The following MYO1G variants were observed in gnomAD, a reference collection of about 807,000 sequenced individuals.
MYO1G encodes the protein unconventional myosin-Ig.
MYO1G carries 65 observed loss-of-function variants against 115.3 expected under a neutral mutation model. That is an observed-to-expected ratio of 0.56 (90% CI 0.46 to 0.69). The LOEUF is 0.69. Among genes scored for constraint, MYO1G ranks in the 30% least tolerant of loss-of-function variants. The pLI, the probability that MYO1G is intolerant of heterozygous loss-of-function variation, is 0.00. For missense variants in MYO1G, 1,204 were observed against 1,393.5 expected (o/e 0.86, Z 2.16); for synonymous variants, 510 against 552.6 (o/e 0.92, Z 1.08).
intron 8 of MYO1G, 27 bp downstream of exon 8, chr7:44,970,808 C>T: frequency 1.2e-6 from 2 of 1,613,548 alleles, no homozygotes; most frequent in South Asian, 1.1e-5. Context: ...TCCTGGGCTT[C>T]CCTCCCTGTG....
In MYO1G at chr7:44,969,721, T is replaced by C. The variant is rs1456831932; in HGVS notation, c.1487A>G (p.His496Arg). The change falls in exon 11 of 22, where the codon CAC becomes CGC. Residue 496 changes from histidine (H) to arginine (R), a missense_variant. By Grantham distance (29) the His-to-Arg change is conservative. Coordinates refer to ENST00000258787, the MANE Select transcript of MYO1G (RefSeq NM_033054.3). The surrounding 1 kb of genome is among the most constrained non-coding windows in gnomAD (Gnocchi z 5.0). ...TLDMHHRHHL[H>R]YTSRQLCPTD... ...CGGGGGCACCTGGCGGCTGGTGTAG[T>C]GTAGGTGATGGCGGTGGTGCATGTC... 1.9e-6 allele frequency: 3 copies of C among 1,611,498 alleles called. No homozygotes were observed. The South Asian group carries it at 3.3e-5, about 18-fold the overall frequency.
chr7:44,970,034 G>A lies in MYO1G; in HGVS notation c.1332+6C>T. 6.2e-7 allele frequency: 1 copy of A among 1,612,706 alleles called. No individual in the cohort carries two copies. The highest frequency in any genetic ancestry group is 1.7e-5 in the Admixed American group (1 of 59,982). On this transcript the variant is annotated splice_donor_region_variant and intron_variant, in intron 10 of 21. Coordinates refer to ENST00000258787, the MANE Select transcript of MYO1G (RefSeq NM_033054.3). ...GCCTGGCCTCCCTCCAGGCCACAGT[G>A]CTCACGCTCTGCCAGGTGATGCCCT...
In MYO1G at chr7:44,975,657, G is replaced by C; in HGVS notation, c.399-8C>G. On this transcript the variant is annotated splice_region_variant and splice_polypyrimidine_tract_variant and intron_variant, in intron 3 of 21. Coordinates refer to ENST00000258787, the MANE Select transcript of MYO1G (RefSeq NM_033054.3). ...AGCAGCACGTCCTTGACCCTGTCAG[G>C]GCAGAGGGGCTGGGTCTTAAGGCAA... 1 of 1,592,686 alleles carries C rather than the reference G, an allele frequency of 6.3e-7. No homozygotes were observed. The highest frequency in any genetic ancestry group is 2.2e-5 in the East Asian group (1 of 44,484).
chr7:44,969,695 C>A lies in MYO1G; in HGVS notation c.1503+10G>T. 1 of 1,610,366 alleles carries A rather than the reference C, an allele frequency of 6.2e-7. No individual in the cohort carries two copies. The highest frequency in any genetic ancestry group is 1.7e-5 in the Admixed American group (1 of 59,996). On this transcript the variant is annotated intron_variant, in intron 11 of 21. Transcript: ENST00000258787. This position sits in a 1 kb window ranked among gnomAD's most constrained non-coding sequence, Gnocchi z 5.0. The stretch of plus-strand genomic sequence containing the variant: ...GCCCACTGTGGTGGCACTGGGACAG[C>A]CGGGGGCACCTGGCGGCTGGTGTAG...
At chr7:44,975,408 G>A in intron 4 of MYO1G, 76 bp downstream of exon 4, 6 of 1,564,034 alleles carry the variant, frequency 3.8e-6, no homozygotes, top group Non-Finnish European at 4.4e-6. Context: ...GCACCGTCGG[G>A]ATGGGTACCT....
At position 44,962,695 on chromosome 7, in the gene MYO1G, G is replaced by C; in HGVS notation, c.*44C>G. ...CAGAAGGTTTATTTGCAGCGCTGGC[G>C]GGGCGGACAATTGGCGGCCTCGGGG... On this transcript the variant is annotated 3_prime_UTR_variant, in exon 22 of 22. Coordinates refer to ENST00000258787, the MANE Select transcript of MYO1G (RefSeq NM_033054.3). This position sits in a 1 kb window ranked among gnomAD's most constrained non-coding sequence, Gnocchi z 5.3. The C allele has an allele frequency of 1.4e-6, 2 of 1,449,206 alleles. No individual in the cohort carries two copies. Among genetic ancestry groups the C allele is most frequent in the Non-Finnish European group, 1.8e-6 (2 of 1,110,420 alleles). The allele number at this position is 1,449,206 out of a possible 1,614,324, so 89.8% of individuals were successfully genotyped here. A position where few individuals can be genotyped will look rare whatever the true frequency, so the allele number is the denominator to read the frequency against.
At position 44,970,670 on chromosome 7, in the gene MYO1G, C is replaced by A; in HGVS notation, c.1139G>T (p.Arg380Leu). 6.2e-7 allele frequency: 1 copy of A among 1,613,994 alleles called. No individual in the cohort carries two copies. The highest frequency in any genetic ancestry group is 1.3e-5 in the African/African-American group (1 of 75,050). Residue 380 changes from arginine (R) to leucine (L), a missense_variant, in exon 9 of 22, where the codon CGG (arginine) becomes CTG (leucine). Physicochemically the swap from Arg to Leu is moderately radical, Grantham distance 102. Coordinates refer to ENST00000258787, the MANE Select transcript of MYO1G (RefSeq NM_033054.3). Reference sequence around the variant, plus strand: ...GTCCTTGCCATCACGCCGAGGATCCCGGCCCCGGGGTTCCATGACACTGTT... The same window carrying A: ...GTCCTTGCCATCACGCCGAGGATCCAGGCCCCGGGGTTCCATGACACTGTT... ...RINSVMEPRG[R>L]DPRRDGKDTV...
intron 12 of MYO1G, among the ~76,000 whole-genome samples, chr7:44,968,276 A>G (rs568820753): frequency 6.6e-6 from 1 of 152,266 alleles, no homozygotes; most frequent in Non-Finnish European, 1.5e-5. Flanking sequence ...TGCCTAAGCC[A>G]CTCAACCTCT....
chr7:44,966,514 T>G lies in MYO1G; in HGVS notation c.1949+158A>C. 1 of 942,898 alleles carries G rather than the reference T, an allele frequency of 1.1e-6. No homozygotes were observed. Among genetic ancestry groups the G allele is most frequent in the East Asian group, 2.6e-5 (1 of 38,416 alleles). The allele number at this position is 942,898 out of a possible 1,614,324, so 58.4% of individuals were successfully genotyped here. A position where few individuals can be genotyped will look rare whatever the true frequency, so the allele number is the denominator to read the frequency against. ...CCCCACATGCATGTGCTCACACACA[T>G]GTCTTCCCAGATATTTTGGTGTCTT... On this transcript the variant is annotated intron_variant, in intron 15 of 21. Coordinates refer to ENST00000258787, the MANE Select transcript of MYO1G (RefSeq NM_033054.3). The surrounding 1 kb of genome is among the most constrained non-coding windows in gnomAD (Gnocchi z 5.0).
chr7:44,966,106 G>A lies in MYO1G; in HGVS notation c.2124C>T (p.Arg708=). Residue 708 remains arginine, a synonymous_variant, in exon 16 of 22, where the codon CGC becomes CGT. Transcript: ENST00000258787. The surrounding 1 kb of genome is among the most constrained non-coding windows in gnomAD (Gnocchi z 5.0). ...TLVTLEQSRA[R]LIPIIVLLLQ... is the part of the protein sequence containing the mutation. ...ATAGCAGCACAATGATGGGGATGAG[G>A]CGGGCTCGGCTCTGCTCCAGTGTGA... 1 of 1,612,878 alleles carries A rather than the reference G, an allele frequency of 6.2e-7. No individual in the cohort carries two copies. The highest frequency in any genetic ancestry group is 1.3e-5 in the African/African-American group (1 of 75,050).
At chr7:44,972,006 A>G in intron 6 of MYO1G, 109 bp downstream of exon 6, 1 of 941,130 alleles carries the variant, frequency 1.1e-6, no homozygotes, top group South Asian at 1.4e-5. Context: ...CCACTCACGC[A>G]AACAGTTCAC....
At chr7:44,976,799 G>A in intron 2 of MYO1G, 64 bp downstream of exon 2, 2 of 1,588,882 alleles carry the variant, frequency 1.3e-6, no homozygotes, top group Non-Finnish European at 1.7e-6. Flanking sequence ...ATGCTCTAAT[G>A]GCCCTCCCAA....
At position 44,970,601 on chromosome 7, in the gene MYO1G, G is replaced by A. The variant is rs61740095; in HGVS notation, c.1208C>T (p.Pro403Leu). 1,536 of 1,613,338 alleles carry A rather than the reference G, an allele frequency of 9.5e-4. 6 individuals carry two copies. In the African/African-American group the frequency reaches 0.017, roughly 18 times the overall value. ...CTGGCCAGCCACCCACCTGTTGACG[G>A]GAAACACCTCGAAGCCATAGATGTC... ...VLDIYGFEVF[P>L]VNSFEQFCIN... The change falls in exon 9 of 22, where the codon CCC becomes CTC. Residue 403 changes from proline to leucine, a missense_variant. Transcript: ENST00000258787.
Position 44,966,413 on chromosome 7 carries a change from CAT to C in MYO1G, c.1950-135_1950-134del. The C allele has an allele frequency of 1.1e-6, 1 of 878,344 alleles. No homozygotes were observed. The allele number at this position is 878,344 out of a possible 1,614,324, so 54.4% of individuals were successfully genotyped here. On this transcript the variant is annotated intron_variant, in intron 15 of 21. Coordinates refer to ENST00000258787, the MANE Select transcript of MYO1G (RefSeq NM_033054.3). The surrounding 1 kb of genome is among the most constrained non-coding windows in gnomAD (Gnocchi z 5.0). Reference sequence around the variant, plus strand: ...CTGGAGCACTTATGACACCTGTGCACATATGTCTTCCCATACACATGTCCTCA... The same window carrying C: ...CTGGAGCACTTATGACACCTGTGCACATGTCTTCCCATACACATGTCCTCA...
rs1228618845 is a variant in MYO1G, at chr7:44,964,124, C to A, written c.2670G>T (p.Leu890=). 13 of 1,605,374 alleles carry A rather than the reference C, an allele frequency of 8.1e-6. No homozygotes were observed. Among genetic ancestry groups the A allele is most frequent in the Non-Finnish European group, 1.1e-5 (13 of 1,176,106 alleles). The change falls in exon 20 of 22, where the codon CTG becomes CTT. Residue 890 remains leucine, a synonymous_variant. Transcript: ENST00000258787. This position sits in a 1 kb window ranked among gnomAD's most constrained non-coding sequence, Gnocchi z 5.1. ...GCTTGTAGAGGTGCTGGTCTGTGAG[C>A]AGGAGGGCCCGGTTCCGGATCTTGT... ...RFHKIRNRAL[L]LTDQHLYKLD...
At chr7:44,974,665 CA>C in intron 5 of MYO1G, 1 of 172,792 alleles carries the variant, frequency 5.8e-6, no homozygotes, top group South Asian at 1.4e-4. Flanking sequence ...AGCTCCACTT[CA>C]GTGTCAAGCT....
chr7:44,972,995 C>G (rs1794986963), intron 5 of MYO1G: 1 of 151,918 alleles, frequency 6.6e-6, no homozygotes, highest in Non-Finnish European at 1.5e-5. Context: ...TAGTGGGAAG[C>G]TCAGATTCCA....
At position 44,968,123 on chromosome 7, in the gene MYO1G, G is replaced by A. The variant is rs144617672; in HGVS notation, c.1575-165C>T. Among the ~76,000 whole-genome samples, 1,237 of 152,156 alleles carry A rather than the reference G, an allele frequency of 8.1e-3. 17 individuals are homozygous for A. The highest frequency in any genetic ancestry group is 0.028 in the African/African-American group (1,178 of 41,496). ...CCTCTCCTCCTTCCCCCTCACACCT[G>A]CTTTCTCTTTCGTCATGTAAGACTC... On this transcript the variant is annotated intron_variant, in intron 12 of 21. Coordinates refer to ENST00000258787, the MANE Select transcript of MYO1G (RefSeq NM_033054.3).
chr7:44,967,708 G>C lies in MYO1G; in HGVS notation c.1679C>G (p.Pro560Arg), dbSNP rs149694733. 1 of 1,613,632 alleles carries C rather than the reference G, an allele frequency of 6.2e-7. No homozygotes were observed. Among genetic ancestry groups the C allele is most frequent in the Non-Finnish European group, 8.5e-7 (1 of 1,180,014 alleles). ...STDPTLRAMW[P>R]DGQQDITEVT... ...CTCTGTGATGTCCTGCTGCCCGTCCGGCCACATGGCCCGTAGAGTGGGGTC... is the reference window on the plus strand; with the variant it reads ...CTCTGTGATGTCCTGCTGCCCGTCCCGCCACATGGCCCGTAGAGTGGGGTC... Residue 560 changes from proline to arginine, a missense_variant, in exon 14 of 22, where the codon CCG (proline) becomes CGG (arginine). Transcript: ENST00000258787.
Sources: gnomAD v4.1 joint callset for allele counts (sites outside exome capture counted in the v4.1 genomes callset) on GRCh38, gnomAD v4.1.1 for gene constraint, Gnocchi (gnomAD v3.1) non-coding constraint, MANE v1.5 for transcripts, NCBI Gene and HGNC (gene_info 2026-07-23, HGNC 2026-07-21) for gene names.